Variants in ETV2 observed in about 807,000 individuals in gnomAD.
ETV2 encodes the protein ETS variant transcription factor 2.
Under a neutral mutation model 35.7 loss-of-function variants are expected in ETV2, and 34 were observed. The observed-to-expected ratio is 0.95, with a 90% CI of 0.72 to 1.27. ETV2 has a LOEUF of 1.27. Ranked by LOEUF, ETV2 falls within the 50% of genes most tolerant of loss-of-function variation. The pLI, the probability that ETV2 is intolerant of heterozygous loss-of-function variation, is 0.00. For synonymous variants in ETV2, 207 were observed against 203.9 expected, an observed-to-expected ratio of 1.02 and a Z score of -0.13; for missense variants, 512 against 470.5, an observed-to-expected ratio of 1.09 and a Z score of -0.82.
Position 35,642,277 on chromosome 19 carries a change from T to G in ETV2, c.-28+121T>G. ...GTCTAACAGAGGAAGAGAGCTGGGG[T>G]CCCTCACTCCCAGGACCAAGATTTT... On this transcript the variant is annotated intron_variant, in intron 1 of 6. Coordinates refer to ENST00000402764, the MANE Select transcript of ETV2 (RefSeq NM_014209.4). This position sits in a 1 kb window ranked among gnomAD's most constrained non-coding sequence, Gnocchi z 4.4. The G allele has an allele frequency of 3.7e-6, 2 of 544,282 alleles. No homozygotes were observed. Among genetic ancestry groups the G allele is most frequent in the Non-Finnish European group, 6.5e-6 (2 of 308,374 alleles). The allele number at this position is 544,282 out of a possible 1,614,324, so 33.7% of individuals were successfully genotyped here.
Position 35,644,663 on chromosome 19 carries a change from G to A in ETV2, c.840G>A (p.Leu280=), listed in dbSNP as rs770132428. 1.9e-6 allele frequency: 3 copies of A among 1,605,870 alleles called. No homozygotes were observed. In the Admixed American group the frequency reaches 5.1e-5, roughly 27 times the overall value. ...QLCDPKEVAR[L]WGERKRKPGM... is the part of the protein sequence containing the mutation. ...GGCCTCTGTCCTAGGTGGCTCGGCTGTGGGGCGAGCGCAAGAGAAAGCCGG... is the reference window on the plus strand; with the variant it reads ...GGCCTCTGTCCTAGGTGGCTCGGCTATGGGGCGAGCGCAAGAGAAAGCCGG... Residue 280 remains leucine (L), a synonymous_variant, in exon 7 of 7, where the codon CTG becomes CTA. Coordinates refer to ENST00000402764, the MANE Select transcript of ETV2 (RefSeq NM_014209.4). This position sits in a 1 kb window ranked among gnomAD's most constrained non-coding sequence, Gnocchi z 4.7.
chr19:35,643,280 A>T lies in ETV2; in HGVS notation c.242A>T (p.Asp81Val). The change falls in exon 5 of 7, where the codon GAC (aspartate) becomes GTC (valine). Residue 81 changes from aspartate to valine, a missense_variant. Transcript: ENST00000402764. The surrounding 1 kb of genome is among the most constrained non-coding windows in gnomAD (Gnocchi z 5.0). ...HPEVPWGAEP[D>V]SQALPWSGDW... ...GATCCGTTACTCCTCACAGAGCCCG[A>T]CTCTCAGGCTCTTCCGTGGTCCGGG... The T allele has an allele frequency of 6.3e-7, 1 of 1,596,076 alleles. No homozygotes were observed. Among genetic ancestry groups the T allele is most frequent in the Non-Finnish European group, 8.5e-7 (1 of 1,174,128 alleles).
Position 35,643,299 on chromosome 19 carries a change from G to T in ETV2, c.261G>T (p.Trp87Cys). 1 of 1,602,320 alleles carries T rather than the reference G, an allele frequency of 6.2e-7. No homozygotes were observed. ...GAEPDSQALP[W>C]SGDWTDMACT... ...AGCCCGACTCTCAGGCTCTTCCGTG[G>T]TCCGGGGACTGGACAGACATGGCGT... Residue 87 changes from tryptophan to cysteine, a missense_variant, in exon 5 of 7, where the codon TGG becomes TGT. By Grantham distance (215) the Trp-to-Cys change is radical (BLOSUM62 -2). Transcript: ENST00000402764. The surrounding 1 kb of genome is among the most constrained non-coding windows in gnomAD (Gnocchi z 5.0).
rs756666832 is a variant in ETV2 at position 35,643,547 on chromosome 19, T to G, written c.509T>G (p.Leu170Arg). 15 of 1,555,400 alleles carry G rather than the reference T, an allele frequency of 9.6e-6. No individual in the cohort carries two copies. The South Asian group carries it at 1.6e-4, about 17-fold the overall frequency. ...GGCGATACCTACTGGGGCAGTGGCCTGGGCGGGGAGCCGCGCACGGACTGT... is the reference window on the plus strand; with the variant it reads ...GGCGATACCTACTGGGGCAGTGGCCGGGGCGGGGAGCCGCGCACGGACTGT... ...PDGDTYWGSGLGGEPRTDCTI... is the reference protein window; with the variant it reads ...PDGDTYWGSGRGGEPRTDCTI... Residue 170 changes from leucine to arginine, a missense_variant, in exon 5 of 7, where the codon CTG becomes CGG. Physicochemically the swap from Leu to Arg is moderately radical, Grantham distance 102. Coordinates refer to ENST00000402764, the MANE Select transcript of ETV2 (RefSeq NM_014209.4). This position sits in a 1 kb window ranked among gnomAD's most constrained non-coding sequence, Gnocchi z 5.0.
In ETV2 at chr19:35,643,273, G is replaced by A. The variant is rs770161224; in HGVS notation, c.236-1G>A. 1.3e-6 allele frequency: 2 copies of A among 1,593,864 alleles called. No individual in the cohort carries two copies. Among genetic ancestry groups the A allele is most frequent in the African/African-American group, 1.3e-5 (1 of 74,774 alleles). ...CACTCGGGATCCGTTACTCCTCACAGAGCCCGACTCTCAGGCTCTTCCGTG... is the reference window on the plus strand; with the variant it reads ...CACTCGGGATCCGTTACTCCTCACAAAGCCCGACTCTCAGGCTCTTCCGTG... On this transcript the variant is annotated splice_acceptor_variant, in intron 4 of 6. Coordinates refer to ENST00000402764, the MANE Select transcript of ETV2 (RefSeq NM_014209.4). LOFTEE classifies it high-confidence loss of function. The surrounding 1 kb of genome is among the most constrained non-coding windows in gnomAD (Gnocchi z 5.0).
At position 35,642,437 on chromosome 19, in the gene ETV2, A is replaced by G; in HGVS notation, c.-24A>G. 1 of 1,517,570 alleles carries G rather than the reference A, an allele frequency of 6.6e-7. No homozygotes were observed. Among genetic ancestry groups the G allele is most frequent in the Non-Finnish European group, 9.0e-7 (1 of 1,113,502 alleles). 94.0% of individuals were successfully genotyped at this position (1,517,570 alleles called of 1,614,324 possible). A position where few individuals can be genotyped will look rare whatever the true frequency, so the allele number is the denominator to read the frequency against. Reference sequence around the variant, plus strand: ...ATCTGGACTTTTCCCGACCCAGAACATTCAGAAGGCCTTCATCGCATCCAT... The same window carrying G: ...ATCTGGACTTTTCCCGACCCAGAACGTTCAGAAGGCCTTCATCGCATCCAT... On this transcript the variant is annotated 5_prime_UTR_variant, in exon 2 of 7. Coordinates refer to ENST00000402764, the MANE Select transcript of ETV2 (RefSeq NM_014209.4). This position sits in a 1 kb window ranked among gnomAD's most constrained non-coding sequence, Gnocchi z 4.4.
Position 35,643,062 on chromosome 19 carries a change from G to T in ETV2, c.235+17G>T. ...GGGGGGCGGGTGAGTGTGGGGAGAGGCGGTGGGAGGTGGGGACTGGGGTCC... is the reference window on the plus strand; with the variant it reads ...GGGGGGCGGGTGAGTGTGGGGAGAGTCGGTGGGAGGTGGGGACTGGGGTCC... On this transcript the variant is annotated intron_variant, in intron 4 of 6. Coordinates refer to ENST00000402764, the MANE Select transcript of ETV2 (RefSeq NM_014209.4). This position sits in a 1 kb window ranked among gnomAD's most constrained non-coding sequence, Gnocchi z 5.0. The T allele has an allele frequency of 6.6e-7, 1 of 1,513,982 alleles. No homozygotes were observed. Among genetic ancestry groups the T allele is most frequent in the South Asian group, 1.2e-5 (1 of 83,184 alleles). 93.8% of individuals were successfully genotyped at this position (1,513,982 alleles called of 1,614,324 possible). A position where few individuals can be genotyped will look rare whatever the true frequency, so the allele number is the denominator to read the frequency against.
At position 35,643,065 on chromosome 19, in the gene ETV2, G is replaced by A. The variant is rs755993795; in HGVS notation, c.235+20G>A. 10 of 1,490,880 alleles carry A rather than the reference G, an allele frequency of 6.7e-6. No individual in the cohort carries two copies. In the South Asian group the frequency reaches 1.2e-4, roughly 18 times the overall value. The allele number at this position is 1,490,880 out of a possible 1,614,324, so 92.4% of individuals were successfully genotyped here. On this transcript the variant is annotated intron_variant, in intron 4 of 6. Coordinates refer to ENST00000402764, the MANE Select transcript of ETV2 (RefSeq NM_014209.4). This position sits in a 1 kb window ranked among gnomAD's most constrained non-coding sequence, Gnocchi z 5.0. ...GGGCGGGTGAGTGTGGGGAGAGGCG[G>A]TGGGAGGTGGGGACTGGGGTCCCGA...
Position 35,642,975 on chromosome 19 carries a change from A to T in ETV2, c.165A>T (p.Ser55=). Residue 55 remains serine, a synonymous_variant, in exon 4 of 7, where the codon TCA becomes TCT. Transcript: ENST00000402764. The surrounding 1 kb of genome is among the most constrained non-coding windows in gnomAD (Gnocchi z 4.4). ...TAETCWKGTS[S]SLASFPQLDW... ...CCTCCCTAAACTCAGGTACAAGCTC[A>T]TCCCTGGCAAGCTTCCCACAGCTGG... is the stretch of plus-strand genomic sequence containing the variant. 1.9e-6 allele frequency: 3 copies of T among 1,563,576 alleles called. No homozygotes were observed. Among genetic ancestry groups the T allele is most frequent in the Non-Finnish European group, 2.6e-6 (3 of 1,149,502 alleles).
rs1967712956 is a variant in ETV2 at position 35,644,526 on chromosome 19, C to T, written c.829-126C>T. Reference sequence around the variant, plus strand: ...GCCTGTACTCCTGCCTCAACCAACCCAGTCTCCACCGGGCTCTGCGAGGCC... The same window carrying T: ...GCCTGTACTCCTGCCTCAACCAACCTAGTCTCCACCGGGCTCTGCGAGGCC... On this transcript the variant is annotated intron_variant, in intron 6 of 6. Transcript: ENST00000402764. The surrounding 1 kb of genome is among the most constrained non-coding windows in gnomAD (Gnocchi z 4.7). 7.9e-6 allele frequency: 8 copies of T among 1,013,112 alleles called. 1 individual carries two copies. Among genetic ancestry groups the T allele is most frequent in the East Asian group, 7.8e-5 (3 of 38,264 alleles). The allele number at this position is 1,013,112 out of a possible 1,614,324, so 62.8% of individuals were successfully genotyped here.
chr19:35,642,181 T>C lies in ETV2; in HGVS notation c.-28+25T>C. 3.2e-6 allele frequency: 1 copy of C among 315,332 alleles called. No individual in the cohort carries two copies. Among genetic ancestry groups the C allele is most frequent in the Non-Finnish European group, 5.8e-6 (1 of 171,050 alleles). 19.5% of individuals were successfully genotyped at this position (315,332 alleles called of 1,614,324 possible). The stretch of plus-strand genomic sequence containing the variant: ...GGTGAGCGATGAACTGAGGACTAGA[T>C]GCCTGGGTGTCTGGGTTAGGAAGGA... On this transcript the variant is annotated intron_variant, in intron 1 of 6. Coordinates refer to ENST00000402764, the MANE Select transcript of ETV2 (RefSeq NM_014209.4). The surrounding 1 kb of genome is among the most constrained non-coding windows in gnomAD (Gnocchi z 4.4).
chr19:35,643,784 C>A lies in ETV2; in HGVS notation c.715+31C>A, dbSNP rs745347755. The A allele has an allele frequency of 3.9e-5, 63 of 1,611,888 alleles. No homozygotes were observed. Among genetic ancestry groups the A allele is most frequent in the Non-Finnish European group, 5.2e-5 (61 of 1,179,558 alleles). ...AGGGCCGCAAAGACTGCGGGGAGGG[C>A]GAAGCTGGAGTCCTGAGCCGGGACC... On this transcript the variant is annotated intron_variant, in intron 5 of 6. Coordinates refer to ENST00000402764, the MANE Select transcript of ETV2 (RefSeq NM_014209.4). This position sits in a 1 kb window ranked among gnomAD's most constrained non-coding sequence, Gnocchi z 5.0.
At position 35,644,245 on chromosome 19, in the gene ETV2, G is replaced by A; in HGVS notation, c.726G>A (p.Gln242=). ...CCCTTCATCCCGCAGGTCCCATTCA[G>A]CTGTGGCAGTTCCTCCTGGAGCTGC... ...CPKTNHRGPI[Q]LWQFLLELLH... is the part of the protein sequence containing the mutation. Residue 242 remains glutamine, a synonymous_variant, in exon 6 of 7, where the codon CAG becomes CAA. Transcript: ENST00000402764. The surrounding 1 kb of genome is among the most constrained non-coding windows in gnomAD (Gnocchi z 4.7). 1.3e-6 allele frequency: 2 copies of A among 1,559,340 alleles called. No individual in the cohort carries two copies. The highest frequency in any genetic ancestry group is 1.7e-6 in the Non-Finnish European group (2 of 1,150,716).
In ETV2 at chr19:35,644,114, G is replaced by C. The variant is rs1320495781; in HGVS notation, c.716-121G>C. On this transcript the variant is annotated intron_variant, in intron 5 of 6. Transcript: ENST00000402764. The surrounding 1 kb of genome is among the most constrained non-coding windows in gnomAD (Gnocchi z 4.7). ...GCTGACTGTTGGATCTCAGAGAAGG[G>C]GGGGCGGATCCCCTTCTCGGGTCCT... is the stretch of plus-strand genomic sequence containing the variant. 1.4e-5 allele frequency: 10 copies of C among 731,562 alleles called. No homozygotes were observed. Among genetic ancestry groups the C allele is most frequent in the East Asian group, 2.7e-5 (1 of 37,274 alleles). 45.3% of individuals were successfully genotyped at this position (731,562 alleles called of 1,614,324 possible). A position where few individuals can be genotyped will look rare whatever the true frequency, so the allele number is the denominator to read the frequency against.
chr19:35,642,649 G>T lies in ETV2; in HGVS notation c.105G>T (p.Leu35=). The T allele has an allele frequency of 6.2e-7, 1 of 1,606,994 alleles. No individual in the cohort carries two copies. The highest frequency in any genetic ancestry group is 1.3e-5 in the African/African-American group (1 of 74,828). ...AATTAGGCTTCTGTTTCCCTGATCT[G>T]GCACTCCAAGGGGACACGCCGACAG... ...GAKLGFCFPD[L]ALQGDTPTAT... is the part of the protein sequence containing the mutation. Residue 35 remains leucine, a synonymous_variant, in exon 3 of 7, where the codon CTG becomes CTT. Coordinates refer to ENST00000402764, the MANE Select transcript of ETV2 (RefSeq NM_014209.4). The surrounding 1 kb of genome is among the most constrained non-coding windows in gnomAD (Gnocchi z 4.4).
Position 35,643,278 on chromosome 19 carries a change from C to T in ETV2, c.240C>T (p.Pro80=). The T allele has an allele frequency of 1.3e-6, 2 of 1,595,922 alleles. No individual in the cohort carries two copies. Among genetic ancestry groups the T allele is most frequent in the Non-Finnish European group, 1.7e-6 (2 of 1,173,964 alleles). Residue 80 remains proline (P), a synonymous_variant, in exon 5 of 7, where the codon CCC becomes CCT. Transcript: ENST00000402764. The surrounding 1 kb of genome is among the most constrained non-coding windows in gnomAD (Gnocchi z 5.0). ...LHPEVPWGAE[P]DSQALPWSGD... Reference sequence around the variant, plus strand: ...GGGATCCGTTACTCCTCACAGAGCCCGACTCTCAGGCTCTTCCGTGGTCCG... The same window carrying T: ...GGGATCCGTTACTCCTCACAGAGCCTGACTCTCAGGCTCTTCCGTGGTCCG...
chr19:35,643,077 G>T lies in ETV2; in HGVS notation c.235+32G>T, dbSNP rs1390607491. 7 of 1,453,630 alleles carry T rather than the reference G, an allele frequency of 4.8e-6. No individual in the cohort carries two copies. The highest frequency in any genetic ancestry group is 6.6e-6 in the Non-Finnish European group (7 of 1,066,112). 90.0% of individuals were successfully genotyped at this position (1,453,630 alleles called of 1,614,324 possible). On this transcript the variant is annotated intron_variant, in intron 4 of 6. Coordinates refer to ENST00000402764, the MANE Select transcript of ETV2 (RefSeq NM_014209.4). The surrounding 1 kb of genome is among the most constrained non-coding windows in gnomAD (Gnocchi z 5.0). The stretch of plus-strand genomic sequence containing the variant: ...GTGGGGAGAGGCGGTGGGAGGTGGG[G>T]ACTGGGGTCCCGAGGCACCGGGGCT...
At position 35,643,878 on chromosome 19, in the gene ETV2, C is replaced by G; in HGVS notation, c.715+125C>G. 7.2e-7 allele frequency: 1 copy of G among 1,390,586 alleles called. No homozygotes were observed. The highest frequency in any genetic ancestry group is 2.3e-5 in the Admixed American group (1 of 44,124). 86.1% of individuals were successfully genotyped at this position (1,390,586 alleles called of 1,614,324 possible). A position where few individuals can be genotyped will look rare whatever the true frequency, so the allele number is the denominator to read the frequency against. ...GGCGGGGGCTTAGGGACCAGGGGCT[C>G]GAAGGAGGGGCCGGTGGCCCGCACT... is the stretch of plus-strand genomic sequence containing the variant. On this transcript the variant is annotated intron_variant, in intron 5 of 6. Transcript: ENST00000402764. This position sits in a 1 kb window ranked among gnomAD's most constrained non-coding sequence, Gnocchi z 5.0.
chr19:35,644,272 C>T lies in ETV2; in HGVS notation c.753C>T (p.Leu251=). 3 of 1,562,644 alleles carry T rather than the reference C, an allele frequency of 1.9e-6. No homozygotes were observed. Among genetic ancestry groups the T allele is most frequent in the Non-Finnish European group, 1.7e-6 (2 of 1,153,104 alleles). Residue 251 remains leucine (L), a synonymous_variant, in exon 6 of 7, where the codon CTC becomes CTT. Transcript: ENST00000402764. This position sits in a 1 kb window ranked among gnomAD's most constrained non-coding sequence, Gnocchi z 4.7. ...TGTGGCAGTTCCTCCTGGAGCTGCT[C>T]CACGACGGGGCGCGTAGCAGCTGCA... ...IQLWQFLLEL[L]HDGARSSCIR... is the part of the protein sequence containing the mutation.
Sources: gnomAD v4.1 joint callset for allele counts on GRCh38, gnomAD v4.1.1 for gene constraint, Gnocchi (gnomAD v3.1) non-coding constraint, MANE v1.5 for transcripts, NCBI Gene and HGNC (gene_info 2026-07-23, HGNC 2026-07-21) for gene names.